KATNAL2: variants seen among roughly 807,000 people sequenced by gnomAD.
KATNAL2 encodes katanin p60 ATPase-containing subunit A-like 2.
In KATNAL2, 52 loss-of-function variants were observed where a neutral mutation model predicts 76.3. The ratio of observed to expected loss-of-function variants is 0.68; its 90% CI spans 0.55 to 0.86. The LOEUF (loss-of-function observed/expected upper bound fraction) is 0.86. Among genes scored for constraint, KATNAL2 ranks in the 40% least tolerant of loss-of-function variants. KATNAL2 has a pLI of 0.00. For synonymous variants in KATNAL2, 243 were observed against 244.2 expected, an observed-to-expected ratio of 1.00 and a Z score of 0.05; for missense variants, 660 against 668.9, an observed-to-expected ratio of 0.99 and a Z score of 0.15.
At chr18:47,064,173 G>A (rs1383914722) in intron 10 of KATNAL2, among the ~76,000 whole-genome samples, 1 of 151,670 alleles carries the variant, frequency 6.6e-6, no homozygotes, top group Non-Finnish European at 1.5e-5. Context: ...AAATGTGAAC[G>A]AGTCAGAGCA....
rs113947320 is a variant in KATNAL2, at chr18:47,035,373, A to G, written c.52-11084A>G. ...GGTCCTCGCTGCCCGGTCGCCAGGCAGCGACCTCGGGATGTGGAGTCACAG... is the reference window on the plus strand; with the variant it reads ...GGTCCTCGCTGCCCGGTCGCCAGGCGGCGACCTCGGGATGTGGAGTCACAG... On this transcript the variant is annotated intron_variant, in intron 3 of 17. Transcript: ENST00000683218. 1.5e-3 allele frequency: 2,350 copies of G among 1,560,570 alleles called. 4 individuals carry two copies. Among genetic ancestry groups the G allele is most frequent in the Non-Finnish European group, 1.7e-3 (1,914 of 1,153,024 alleles).
At chr18:46,961,912 G>A (rs1003045935) in intron 3 of KATNAL2, among the ~76,000 whole-genome samples, 1 of 152,170 alleles carries the variant, frequency 6.6e-6, no homozygotes, top group South Asian at 2.1e-4. Flanking sequence ...ATGGGGGTTT[G>A]CTACTAAGAA....
At chr18:47,050,195 T>C (rs16950217) in intron 4 of KATNAL2, among the ~76,000 whole-genome samples, 18,338 of 152,048 alleles carry the variant, frequency 0.12, 1,285 homozygotes, top group East Asian at 0.19. Context: ...TCTTTTTTTT[T>C]TCTCAGACCA....
Position 47,101,211 on chromosome 18 carries a change from C to A in KATNAL2, c.*206C>A. 1.8e-6 allele frequency: 1 copy of A among 549,096 alleles called. No homozygotes were observed. Among genetic ancestry groups the A allele is most frequent in the South Asian group, 2.3e-5 (1 of 43,178 alleles). 34.0% of individuals were successfully genotyped at this position (549,096 alleles called of 1,614,324 possible). A position where few individuals can be genotyped will look rare whatever the true frequency, so the allele number is the denominator to read the frequency against. ...GATGTCAGCAAAATATTGAGAGTTT[C>A]AGTTACATACATATATGTGCTATTG... On this transcript the variant is annotated 3_prime_UTR_variant, in exon 18 of 18. Coordinates refer to ENST00000683218, the MANE Select transcript of KATNAL2 (RefSeq NM_001387690.1).
chr18:47,035,178 T>C (rs752689604), intron 3 of KATNAL2: 5 of 1,612,286 alleles, frequency 3.1e-6, no homozygotes, highest in Non-Finnish European at 4.2e-6. Context: ...TCTGCAAATA[T>C]TTCTCTAGCT....
chr18:46,946,991 T>G lies in KATNAL2; in HGVS notation c.51+68T>G, dbSNP rs2146667184. The G allele has an allele frequency of 6.4e-6, 7 of 1,095,834 alleles. No homozygotes were observed. In the South Asian group the frequency reaches 8.0e-5, roughly 12 times the overall value. The allele number at this position is 1,095,834 out of a possible 1,614,324, so 67.9% of individuals were successfully genotyped here. Reference sequence around the variant, plus strand: ...TCTCCTACTGTTGCTGCGGGACGATTCCGAGTCTCCGGTTGCTATGGCGAC... The same window carrying G: ...TCTCCTACTGTTGCTGCGGGACGATGCCGAGTCTCCGGTTGCTATGGCGAC... On this transcript the variant is annotated intron_variant, in intron 3 of 17. Transcript: ENST00000683218.
intron 1 of KATNAL2, among the ~76,000 whole-genome samples, chr18:46,941,749 G>C (rs1435565777): frequency 6.6e-6 from 1 of 152,128 alleles, no homozygotes; most frequent in Admixed American, 6.6e-5. Flanking sequence ...TCCTAAAAAG[G>C]CTCTGTTTAT....
chr18:47,048,158 T>A (rs2147069652), intron 4 of KATNAL2, among the ~76,000 whole-genome samples: 1 of 152,276 alleles, frequency 6.6e-6, no homozygotes, highest in East Asian at 1.9e-4. Flanking sequence ...TAACAAATAA[T>A]TATCTGACTT....
intron 3 of KATNAL2, among the ~76,000 whole-genome samples, chr18:46,954,269 G>A (rs2059655777): frequency 6.7e-6 from 1 of 149,318 alleles, no homozygotes. Flanking sequence ...CCCCATTCCT[G>A]TAACTTTCTA....
chr18:47,074,315 C>T (rs1196703162), intron 13 of KATNAL2, among the ~76,000 whole-genome samples: 2 of 152,166 alleles, frequency 1.3e-5, no homozygotes, highest in Non-Finnish European at 2.9e-5. Flanking sequence ...ACAGGGAGAC[C>T]TGTAAGGGAT....
At position 46,946,298 on chromosome 18, in the gene KATNAL2, G is replaced by A; in HGVS notation, c.-268G>A. 9.4e-7 allele frequency: 1 copy of A among 1,059,474 alleles called. No homozygotes were observed. The highest frequency in any genetic ancestry group is 2.9e-5 in the South Asian group (1 of 34,400). 65.6% of individuals were successfully genotyped at this position (1,059,474 alleles called of 1,614,324 possible). ...CAGGTCTGATGTGAAAGGAATTGGA[G>A]GAGAAGGGGAAGTTTGGTGATGCAC... On this transcript the variant is annotated 5_prime_UTR_variant, in exon 2 of 18. Transcript: ENST00000683218.
intron 3 of KATNAL2, among the ~76,000 whole-genome samples, chr18:46,947,151 C>A (rs1312588231): frequency 1.3e-5 from 2 of 151,894 alleles, no homozygotes; most frequent in Non-Finnish European, 1.5e-5. Flanking sequence ...GACAACGGGT[C>A]GGATGAAAGG....
intron 3 of KATNAL2, among the ~76,000 whole-genome samples, chr18:46,953,035 C>A (rs2059615757): frequency 6.6e-6 from 1 of 151,756 alleles, no homozygotes; most frequent in African/African-American, 2.4e-5. Flanking sequence ...ACTGGGACTA[C>A]AGGCATGTGC....
At chr18:47,041,962 T>G (rs1025943335) in intron 3 of KATNAL2, among the ~76,000 whole-genome samples, 7 of 152,224 alleles carry the variant, frequency 4.6e-5, no homozygotes. Context: ...GATGTGATGT[T>G]GTCTTTTCAT....
intron 17 of KATNAL2, 120 bp downstream of exon 17, chr18:47,100,476 T>C (rs1364642629): frequency 5.3e-6 from 4 of 755,082 alleles, no homozygotes; most frequent in African/African-American, 5.2e-5. Context: ...CGTTTTTTGG[T>C]CAAATCATCC....
At chr18:47,050,665 T>C (rs1240254470) in intron 4 of KATNAL2, among the ~76,000 whole-genome samples, 1 of 152,240 alleles carries the variant, frequency 6.6e-6, no homozygotes, top group Non-Finnish European at 1.5e-5. Flanking sequence ...ATGAGTGGAC[T>C]GTCAAAACGA....
intron 1 of KATNAL2, among the ~76,000 whole-genome samples, chr18:46,939,143 C>A (rs1044186901): frequency 1.3e-4 from 20 of 152,112 alleles, no homozygotes; most frequent in Non-Finnish European, 2.5e-4. Flanking sequence ...AGATCAAAAC[C>A]ATCCTGGCCA....
intron 3 of KATNAL2, among the ~76,000 whole-genome samples, chr18:47,041,779 A>T (rs1301950568): frequency 1.3e-5 from 2 of 151,862 alleles, no homozygotes; most frequent in African/African-American, 4.8e-5. Flanking sequence ...TCTTTACTTT[A>T]AAAAAACCTG....
intron 3 of KATNAL2, among the ~76,000 whole-genome samples, chr18:46,947,890 C>T (rs922810031): frequency 5.3e-5 from 8 of 152,230 alleles, no homozygotes; most frequent in Admixed American, 3.9e-4. Context: ...TCCTCACCTC[C>T]GGATTGTACT....
Sources: allele counts gnomAD v4.1 joint callset (sites outside exome capture counted in the v4.1 genomes callset), GRCh38; gene constraint gnomAD v4.1.1; transcripts MANE v1.5; gene names NCBI Gene and HGNC (gene_info 2026-07-23, HGNC 2026-07-21).